Variants in ZNF608 observed in about 807,000 individuals in gnomAD.
The protein encoded by ZNF608 is zinc finger protein 608.
In ZNF608, 12 loss-of-function variants were observed where a neutral mutation model predicts 109.0. The ratio of observed to expected loss-of-function variants is 0.11; its 90% CI spans 0.07 to 0.18. The LOEUF (loss-of-function observed/expected upper bound fraction) is 0.18, where lower values mean the gene tolerates loss of function less well. Ranked by LOEUF, ZNF608 falls within the 10% of genes least tolerant of loss-of-function variation. ZNF608 has a pLI of 1.00. For missense variants in ZNF608, 1,707 were observed against 1,879.3 expected (o/e 0.91, Z 1.70); for synonymous variants, 732 against 717.4 (o/e 1.02, Z -0.33).
At chr5:124,670,197 A>C (rs1254332819) in intron 3 of ZNF608, among the ~76,000 whole-genome samples, 1 of 152,222 alleles carries the variant, frequency 6.6e-6, no homozygotes, top group East Asian at 1.9e-4. Flanking sequence ...GACGGAGCCC[A>C]GCAATCCTTT....
rs371493737 is a variant in ZNF608 at position 124,744,152 on chromosome 5, T to C, written c.838A>G (p.Met280Val). 18 of 1,613,022 alleles carry C rather than the reference T, an allele frequency of 1.1e-5. No individual in the cohort carries two copies. In the African/African-American group the frequency reaches 1.6e-4, roughly 14 times the overall value. ...TCCTCCTCTTCCTTCTTTACCAACA[T>C]AGAGTTTCCCATGAGCCCTGAATCC... ...APDSGLMGNS[M>V]LVKKEEEEEE... Residue 280 changes from methionine to valine, a missense_variant, in exon 2 of 10, where the codon ATG becomes GTG. By Grantham distance (21) the Met-to-Val change is conservative (BLOSUM62 1). Coordinates refer to ENST00000513986, the MANE Select transcript of ZNF608 (RefSeq NM_020747.3). The surrounding 1 kb of genome is among the most constrained non-coding windows in gnomAD (Gnocchi z 4.5).
intron 3 of ZNF608, among the ~76,000 whole-genome samples, chr5:124,651,933 C>A (rs1005292377): frequency 6.6e-6 from 1 of 152,248 alleles, no homozygotes; most frequent in Non-Finnish European, 1.5e-5. Context: ...CAGGCTCATT[C>A]GCACTAACGA....
At chr5:124,639,086 T>C (rs763259721) in intron 9 of ZNF608, 47 bp downstream of exon 9, 2 of 1,571,936 alleles carry the variant, frequency 1.3e-6, no homozygotes. Context: ...TCCCAACCAT[T>C]AAGATATTTC....
intron 3 of ZNF608, among the ~76,000 whole-genome samples, chr5:124,656,734 G>T (rs1361584616): frequency 7.3e-6 from 1 of 136,268 alleles, no homozygotes; most frequent in Non-Finnish European, 1.6e-5. Context: ...TACAATCTAT[G>T]GAAATCCTTT....
Position 124,651,785 on chromosome 5 carries a change from G to A in ZNF608, c.1163-2088C>T, listed in dbSNP as rs116857976. Among the ~76,000 whole-genome samples the A allele has an allele frequency of 4.1e-3, 622 of 152,362 alleles. 6 individuals carry two copies. The highest frequency in any genetic ancestry group is 0.04 in the East Asian group (206 of 5,174). On this transcript the variant is annotated intron_variant, in intron 3 of 9. Transcript: ENST00000513986. ...GCGTCTGATTGGCTGGGCCGAGGCG[G>A]CCGCCCGGAGCACAGAGGCAGCGGT...
Position 124,647,648 on chromosome 5 carries a change from C to A in ZNF608, c.2736G>T (p.Gly912=). ...CATGCAGAGGTGCCATTGGTGCCTG[C>A]CCGTTCACCAAAGTGCTGCATTCCA... The part of the protein sequence containing the change: ...SRLECSTLVN[G]QAPMAPLHVL... The change falls in exon 5 of 10, where the codon GGG becomes GGT. Residue 912 remains glycine, a synonymous_variant. Coordinates refer to ENST00000513986, the MANE Select transcript of ZNF608 (RefSeq NM_020747.3). 3 of 1,614,192 alleles carry A rather than the reference C, an allele frequency of 1.9e-6. No homozygotes were observed. Among genetic ancestry groups the A allele is most frequent in the African/African-American group, 1.3e-5 (1 of 75,050 alleles).
intron 2 of ZNF608, among the ~76,000 whole-genome samples, chr5:124,721,383 C>T (rs994657539): frequency 6.6e-6 from 1 of 152,108 alleles, no homozygotes; most frequent in Non-Finnish European, 1.5e-5. Context: ...TAAGAGGGCT[C>T]AGTGCTAGGC....
chr5:124,663,335 G>A (rs899105237), intron 3 of ZNF608, among the ~76,000 whole-genome samples: 5 of 152,210 alleles, frequency 3.3e-5, no homozygotes, highest in East Asian at 1.9e-4. Context: ...TGGTGTGGCC[G>A]TAGAAGGTAC....
rs1410297941 is a variant in ZNF608 at position 124,637,501 on chromosome 5, A to G, written c.*399T>C. 6.6e-6 allele frequency: 1 copy of G among 152,664 alleles called. No individual in the cohort carries two copies. Among genetic ancestry groups the G allele is most frequent in the Non-Finnish European group, 1.5e-5 (1 of 68,076 alleles). 9.5% of individuals were successfully genotyped at this position (152,664 alleles called of 1,614,324 possible). ...TGATACATAACATTATTTATTTACA[A>G]TTTTAAAGGAAAAGGAAAAGAAAGT... On this transcript the variant is annotated 3_prime_UTR_variant, in exon 10 of 10. Coordinates refer to ENST00000513986, the MANE Select transcript of ZNF608 (RefSeq NM_020747.3).
intron 4 of ZNF608, 126 bp from the exon 5 acceptor site, chr5:124,649,259 A>C: frequency 1.3e-6 from 1 of 755,472 alleles, no homozygotes; most frequent in Non-Finnish European, 2.0e-6. Context: ...CCAGTCAAGG[A>C]AAAGACTGAC....
Position 124,744,645 on chromosome 5 carries a change from A to G in ZNF608, c.345T>C (p.Ala115=), listed in dbSNP as rs773253460. 6.2e-7 allele frequency: 1 copy of G among 1,614,174 alleles called. No individual in the cohort carries two copies. Among genetic ancestry groups the G allele is most frequent in the Non-Finnish European group, 8.5e-7 (1 of 1,180,034 alleles). Residue 115 remains alanine, a synonymous_variant, in exon 2 of 10, where the codon GCT becomes GCC. Coordinates refer to ENST00000513986, the MANE Select transcript of ZNF608 (RefSeq NM_020747.3). This position sits in a 1 kb window ranked among gnomAD's most constrained non-coding sequence, Gnocchi z 4.5. ...KVKRSKTSKD[A]NKSLPSAALY... ...AGGCAGCAGAAGGCAGAGATTTATT[A>G]GCATCCTTAGAAGTTTTACTCCTTT...
chr5:124,728,213 T>C lies in ZNF608; in HGVS notation c.906+15871A>G, dbSNP rs566697696. ...AATTCCATACCTTGGTCTTGAAAAG[T>C]CGACTCACGATGGGATTGAGGTGCT... On this transcript the variant is annotated intron_variant, in intron 2 of 9. Coordinates refer to ENST00000513986, the MANE Select transcript of ZNF608 (RefSeq NM_020747.3). 2.1e-3 allele frequency among the ~76,000 whole-genome samples: 315 copies of C among 152,238 alleles called. 1 individual carries two copies. Among genetic ancestry groups the C allele is most frequent in the Non-Finnish European group, 3.2e-3 (217 of 68,014 alleles).
chr5:124,729,342 G>A (rs1434937138), intron 2 of ZNF608, among the ~76,000 whole-genome samples: 2 of 152,198 alleles, frequency 1.3e-5, no homozygotes, highest in African/African-American at 2.4e-5. Flanking sequence ...CCAGCCAATG[G>A]AGGTCCTGAG....
intron 3 of ZNF608, among the ~76,000 whole-genome samples, chr5:124,658,697 C>T (rs556975838): frequency 2.6e-5 from 4 of 152,278 alleles, no homozygotes; most frequent in South Asian, 2.1e-4. Context: ...AGAATGCTTT[C>T]TCCTTCTCTT....
At position 124,744,291 on chromosome 5, in the gene ZNF608, C is replaced by A. The variant is rs936671504; in HGVS notation, c.699G>T (p.Gly233=). The A allele has an allele frequency of 2.5e-6, 4 of 1,613,654 alleles. No homozygotes were observed. The African/African-American group carries it at 4.0e-5, about 16-fold the overall frequency. The change falls in exon 2 of 10, where the codon GGG becomes GGT. Residue 233 remains glycine, a synonymous_variant. Transcript: ENST00000513986. The surrounding 1 kb of genome is among the most constrained non-coding windows in gnomAD (Gnocchi z 4.5). Reference sequence around the variant, plus strand: ...TCTTGGCCCCAAAGCCATAGAGGTGCCCCCCGGAAGGGGCCTGGCTGCCAC... The same window carrying A: ...TCTTGGCCCCAAAGCCATAGAGGTGACCCCCGGAAGGGGCCTGGCTGCCAC... ...NGSGSQAPSG[G]HLYGFGAKSN... is the part of the protein sequence containing the mutation.
At chr5:124,731,950 A>G (rs971652393) in intron 2 of ZNF608, among the ~76,000 whole-genome samples, 1 of 152,254 alleles carries the variant, frequency 6.6e-6, no homozygotes. Context: ...ATTAAAAAGT[A>G]AGTAGCAGTT....
upstream of ZNF608, chr5:124,748,645 G>A: frequency 1.2e-6 from 1 of 854,334 alleles, no homozygotes; most frequent in African/African-American, 1.8e-5. Flanking sequence ...TATTAAAGAA[G>A]ATGGACCATC....
rs138102047 is a variant in ZNF608, at chr5:124,733,149, G to C, written c.906+10935C>G. On this transcript the variant is annotated intron_variant, in intron 2 of 9. Transcript: ENST00000513986. The stretch of plus-strand genomic sequence containing the variant: ...CTCATCCATAGGATTTGGCGACCAA[G>C]TAAATCTTAATCTGCAAACAAATGG... Among the ~76,000 whole-genome samples, 395 of 149,282 alleles carry C rather than the reference G, an allele frequency of 2.6e-3. 2 individuals carry two copies. The highest frequency in any genetic ancestry group is 9.6e-3 in the African/African-American group (389 of 40,714).
intron 3 of ZNF608, among the ~76,000 whole-genome samples, chr5:124,693,993 TGA>T (rs1752730340): frequency 1.4e-5 from 2 of 139,380 alleles, no homozygotes; most frequent in African/African-American, 2.7e-5. Flanking sequence ...TTTTTTTTTT[TGA>T]GAGAGAGTCT....
Sources: gnomAD v4.1 joint callset for allele counts (sites outside exome capture counted in the v4.1 genomes callset) on GRCh38, gnomAD v4.1.1 for gene constraint, Gnocchi (gnomAD v3.1) non-coding constraint, MANE v1.5 for transcripts, NCBI Gene and HGNC (gene_info 2026-07-23, HGNC 2026-07-21) for gene names.